DEPDC5: variants seen among roughly 807,000 people sequenced by gnomAD.
DEPDC5 encodes the protein DEP domain containing 5, GATOR1 subcomplex subunit, also known as GATOR1 complex protein DEPDC5.
In DEPDC5, 73 loss-of-function variants were observed where a neutral mutation model predicts 217.3. That is an observed-to-expected ratio of 0.34 (90% CI 0.28 to 0.41). DEPDC5 has a LOEUF of 0.41. Among genes scored for constraint, DEPDC5 ranks in the 10% least tolerant of loss-of-function variants. The pLI is 1.00. For missense variants in DEPDC5, 1,675 were observed against 2,070.1 expected (o/e 0.81, Z 3.70); for synonymous variants, 733 against 756.7 (o/e 0.97, Z 0.51).
Position 31,815,050 on chromosome 22 carries a change from T to C in DEPDC5, c.1504T>C (p.Ser502Pro). 2 of 1,614,202 alleles carry C rather than the reference T, an allele frequency of 1.2e-6. No individual in the cohort carries two copies. Among genetic ancestry groups the C allele is most frequent in the Non-Finnish European group, 1.7e-6 (2 of 1,180,034 alleles). ...GAGTGCCAGCTCCTGTGATGTTTCA[T>C]CCAGCCCTTCCCTACCAAGCCGCAC... Reference protein sequence around the residue: ...RKSASSCDVSSSPSLPSRTLP... With the variant: ...RKSASSCDVSPSPSLPSRTLP... The change falls in exon 21 of 43, where the codon TCC becomes CCC. Residue 502 changes from serine (S) to proline (P), a missense_variant. By Grantham distance (74) the Ser-to-Pro change is moderately conservative. This residue lies in a region of DEPDC5 where 628 missense variants were observed against 762.1 expected (regional missense o/e 0.82). Coordinates refer to ENST00000651528, the MANE Select transcript of DEPDC5 (RefSeq NM_001242896.3).
chr22:31,798,725 C>A, intron 14 of DEPDC5, 69 bp downstream of exon 14: 1 of 1,468,558 alleles, frequency 6.8e-7, no homozygotes, highest in Non-Finnish European at 9.4e-7. Context: ...GAAAGGTGTC[C>A]TGATCCAGAC....
In DEPDC5 at chr22:31,795,721, T is replaced by G. The variant is rs370740245; in HGVS notation, c.768-1879T>G. ...CTTTTTATATGTTTTAAACCTTCAT[T>G]TTCTTTCATTTCCTTTTTTTTTTTT... On this transcript the variant is annotated intron_variant, in intron 12 of 42. Coordinates refer to ENST00000651528, the MANE Select transcript of DEPDC5 (RefSeq NM_001242896.3). Among the ~76,000 whole-genome samples, 213 of 151,868 alleles carry G rather than the reference T, an allele frequency of 1.4e-3. 3 individuals carry two copies. Among genetic ancestry groups the G allele is most frequent in the South Asian group, 6.2e-3 (30 of 4,826 alleles).
chr22:31,897,052 G>C lies in DEPDC5; in HGVS notation c.4204-430G>C, dbSNP rs536922260. Among the ~76,000 whole-genome samples the C allele has an allele frequency of 1.8e-4, 27 of 152,196 alleles. No homozygotes were observed. In the South Asian group the frequency reaches 5.6e-3, roughly 31 times the overall value. The stretch of plus-strand genomic sequence containing the variant: ...GAATTGCTTGAACCTGGGAGGCGGA[G>C]GTTGCAGGGAGCTGAGATCTGGCCC... On this transcript the variant is annotated intron_variant, in intron 39 of 42. Transcript: ENST00000651528.
chr22:31,772,156 C>G (rs2083422103), intron 7 of DEPDC5, among the ~76,000 whole-genome samples: 1 of 152,058 alleles, frequency 6.6e-6, no homozygotes, highest in Admixed American at 6.6e-5. Flanking sequence ...CACTGAAGCA[C>G]AGGTCGATGC....
At chr22:31,843,928 G>A in intron 29 of DEPDC5, 116 bp downstream of exon 29, 1 of 1,189,358 alleles carries the variant, frequency 8.4e-7, no homozygotes, top group Non-Finnish European at 1.1e-6. Context: ...TTTTTTCTTT[G>A]TAAAGAGACA....
At chr22:31,799,083 C>T (rs1470736450) in intron 14 of DEPDC5, among the ~76,000 whole-genome samples, 2 of 144,984 alleles carry the variant, frequency 1.4e-5, no homozygotes, top group Non-Finnish European at 3.0e-5. Context: ...CTTGCTCTGT[C>T]GCCAGGCTGG....
chr22:31,773,940 A>T (rs2148259759), intron 7 of DEPDC5, among the ~76,000 whole-genome samples: 1 of 152,166 alleles, frequency 6.6e-6, no homozygotes, highest in South Asian at 2.1e-4. Context: ...GCATGATGGC[A>T]GGCTCCTGTA....
At chr22:31,855,122 G>A (rs187598400) in intron 31 of DEPDC5, among the ~76,000 whole-genome samples, 308 of 151,908 alleles carry the variant, frequency 2.0e-3, no homozygotes, top group Non-Finnish European at 3.3e-3. Context: ...GCGCCACCAC[G>A]CCTGGCTAAT....
At chr22:31,865,482 C>G (rs945758058) in intron 33 of DEPDC5, among the ~76,000 whole-genome samples, 2 of 151,992 alleles carry the variant, frequency 1.3e-5, no homozygotes, top group Non-Finnish European at 2.9e-5. Context: ...GGCGACAGAG[C>G]AAGACCTGTC....
At chr22:31,886,073 G>GGCTCACTACTTACTCCTA (rs2093304798) in intron 38 of DEPDC5, among the ~76,000 whole-genome samples, 1 of 151,530 alleles carries the variant, frequency 6.6e-6, no homozygotes, top group Non-Finnish European at 1.5e-5. Context: ...CTGTTTCCCA[G>GGCTCACTACTTACTCCTA]GCTCACTACT....
At chr22:31,899,881 C>CGAA (rs2093618438) in intron 40 of DEPDC5, among the ~76,000 whole-genome samples, 3 of 152,124 alleles carry the variant, frequency 2.0e-5, no homozygotes, top group South Asian at 4.1e-4. Flanking sequence ...GACAGCCTTC[C>CGAA]CCAGCCCTCC....
intron 10 of DEPDC5, among the ~76,000 whole-genome samples, chr22:31,786,509 A>T (rs2085010742): frequency 6.8e-6 from 1 of 146,874 alleles, no homozygotes; most frequent in African/African-American, 2.5e-5. Context: ...TCTTTTTGAG[A>T]TGGAGTCTCA....
intron 4 of DEPDC5, 45 bp downstream of exon 4, chr22:31,760,747 CAG>C: frequency 6.8e-7 from 1 of 1,465,854 alleles, no homozygotes; most frequent in Non-Finnish European, 9.4e-7. Flanking sequence ...TTTACTGCCT[CAG>C]AAACTGTAAG....
intron 31 of DEPDC5, among the ~76,000 whole-genome samples, chr22:31,851,386 G>A (rs577710569): frequency 2.6e-5 from 4 of 152,198 alleles, no homozygotes; most frequent in African/African-American, 9.7e-5. Context: ...TTTACATGGG[G>A]GTGGGTGAGA....
At position 31,874,235 on chromosome 22, in the gene DEPDC5, C is replaced by A. The variant is rs201183563; in HGVS notation, c.3564-38C>A. On this transcript the variant is annotated intron_variant, in intron 35 of 42. Transcript: ENST00000651528. ...CTTCCACTTGTTGCCATGGGGCACA[C>A]ACATCCCCTGCTCCCCGTTCACCGT... The A allele has an allele frequency of 1.1e-5, 18 of 1,591,254 alleles. No individual in the cohort carries two copies. In the East Asian group the frequency reaches 3.4e-4, roughly 30 times the overall value.
intron 5 of DEPDC5, 71 bp from the exon 6 acceptor site, chr22:31,766,514 G>A: frequency 6.8e-7 from 1 of 1,460,650 alleles, no homozygotes; most frequent in Non-Finnish European, 9.5e-7. Flanking sequence ...TCCATGGTAA[G>A]TGGGCATTAC....
At chr22:31,892,939 G>T (rs370531516) in intron 38 of DEPDC5, among the ~76,000 whole-genome samples, 1 of 146,970 alleles carries the variant, frequency 6.8e-6, no homozygotes, top group Non-Finnish European at 1.5e-5. Flanking sequence ...GCAATGGCGC[G>T]ATCTCGGCTC....
At chr22:31,892,499 C>T (rs2093458459) in intron 38 of DEPDC5, among the ~76,000 whole-genome samples, 1 of 152,114 alleles carries the variant, frequency 6.6e-6, no homozygotes, top group Admixed American at 6.5e-5. Context: ...GCCTGGCCAA[C>T]ATGGCAAAAC....
intron 20 of DEPDC5, chr22:31,814,749 T>G: frequency 1.9e-6 from 1 of 538,308 alleles, no homozygotes; most frequent in South Asian, 2.1e-5. Flanking sequence ...GGAGCAGTCC[T>G]TTCTTTACAA....
Sources: gnomAD v4.1 joint callset for allele counts (sites outside exome capture counted in the v4.1 genomes callset) on GRCh38, gnomAD v4.1.1 for gene constraint, gnomAD v4.1.1 regional missense constraint, MANE v1.5 for transcripts, NCBI Gene and HGNC (gene_info 2026-07-23, HGNC 2026-07-21) for gene names.